WIPF2: variants seen among roughly 807,000 people sequenced by gnomAD.
WIPF2 encodes the protein WAS/WASL-interacting protein family member 2.
Under a neutral mutation model 38.8 loss-of-function variants are expected in WIPF2, and 23 were observed. The ratio of observed to expected loss-of-function variants is 0.59; its 90% CI spans 0.43 to 0.84. The LOEUF is 0.84. WIPF2 is among the 40% of genes least tolerant of loss of function. The pLI, the probability that WIPF2 is intolerant of heterozygous loss-of-function variation, is 0.00. For synonymous variants in WIPF2, 210 were observed against 223.2 expected, an observed-to-expected ratio of 0.94 and a Z score of 0.53; for missense variants, 574 against 580.5, an observed-to-expected ratio of 0.99 and a Z score of 0.11.
intron 1 of WIPF2, among the ~76,000 whole-genome samples, chr17:40,240,373 C>A (rs1447591059): frequency 6.6e-6 from 1 of 152,062 alleles, no homozygotes; most frequent in Non-Finnish European, 1.5e-5. Context: ...CCCAGACTTT[C>A]AACCAGTCCT....
intron 2 of WIPF2, among the ~76,000 whole-genome samples, chr17:40,259,319 C>T (rs1176854653): frequency 1.3e-5 from 2 of 151,458 alleles, no homozygotes; most frequent in Non-Finnish European, 2.9e-5. Flanking sequence ...AAATATTTCC[C>T]AGCTACTGGG....
chr17:40,246,834 C>A (rs560114331), intron 1 of WIPF2, among the ~76,000 whole-genome samples: 1 of 150,306 alleles, frequency 6.7e-6, no homozygotes, highest in East Asian at 2.0e-4. Flanking sequence ...ATTTGTTGGC[C>A]GGGCGTGGCG....
intron 1 of WIPF2, chr17:40,220,601 A>ATGTG (rs1173228567): frequency 1.2e-5 from 1 of 86,932 alleles, no homozygotes; most frequent in Non-Finnish European, 2.2e-5. Flanking sequence ...ATATATATAT[A>ATGTG]TATATATATA....
chr17:40,284,079 T>C lies in WIPF2; in HGVS notation c.*5854T>C, dbSNP rs916365358. 1 of 152,250 alleles carries C rather than the reference T, an allele frequency of 6.6e-6. No homozygotes were observed. The highest frequency in any genetic ancestry group is 1.5e-5 in the Non-Finnish European group (1 of 68,034). The allele number at this position is 152,250 out of a possible 1,614,324, so 9.4% of individuals were successfully genotyped here. A position where few individuals can be genotyped will look rare whatever the true frequency, so the allele number is the denominator to read the frequency against. ...CTTCCCAGATGGGCTGAATCTCCGATTATTTGACCCATCATTGTTATTAAT... is the reference window on the plus strand; with the variant it reads ...CTTCCCAGATGGGCTGAATCTCCGACTATTTGACCCATCATTGTTATTAAT... On this transcript the variant is annotated 3_prime_UTR_variant, in exon 8 of 8. Coordinates refer to ENST00000323571, the MANE Select transcript of WIPF2 (RefSeq NM_133264.5).
At chr17:40,257,777 A>G (rs2031776569) in intron 2 of WIPF2, among the ~76,000 whole-genome samples, 1 of 151,510 alleles carries the variant, frequency 6.6e-6, no homozygotes, top group African/African-American at 2.4e-5. Flanking sequence ...GAGGAAAGGA[A>G]CCTGTATGCA....
intron 1 of WIPF2, among the ~76,000 whole-genome samples, chr17:40,223,520 T>C (rs1000111218): frequency 1.3e-5 from 2 of 148,442 alleles, no homozygotes; most frequent in African/African-American, 5.0e-5. Flanking sequence ...CTAGACTCAC[T>C]AGGTGTTTTT....
intron 5 of WIPF2, among the ~76,000 whole-genome samples, chr17:40,271,208 T>A (rs542249935): frequency 1.2e-4 from 18 of 152,310 alleles, no homozygotes; most frequent in Non-Finnish European, 2.1e-4. Flanking sequence ...ACTCCTGGCA[T>A]CAAGCAATCT....
Position 40,267,712 on chromosome 17 carries a change from G to A in WIPF2, c.970+2566G>A, listed in dbSNP as rs193120134. 1.7e-3 allele frequency among the ~76,000 whole-genome samples: 252 copies of A among 152,250 alleles called. 1 individual carries two copies. Among genetic ancestry groups the A allele is most frequent in the Non-Finnish European group, 2.5e-3 (170 of 68,018 alleles). ...GTGCCACCATATCTGGCTAATTTTT[G>A]TATTTTTAGTAGAAACGGGTTTTCG... On this transcript the variant is annotated intron_variant, in intron 5 of 7. Coordinates refer to ENST00000323571, the MANE Select transcript of WIPF2 (RefSeq NM_133264.5).
chr17:40,254,804 T>A (rs1268475547), intron 1 of WIPF2, among the ~76,000 whole-genome samples: 2 of 152,006 alleles, frequency 1.3e-5, no homozygotes, highest in Non-Finnish European at 2.9e-5. Flanking sequence ...CTTTCTTGGC[T>A]CACTGCACCT....
At chr17:40,220,595 A>ATATATATG (rs2030162165) in intron 1 of WIPF2, 1 of 77,076 alleles carries the variant, frequency 1.3e-5, no homozygotes, top group Non-Finnish European at 2.4e-5. Flanking sequence ...ATATATATAT[A>ATATATATG]TATATATATA....
intron 1 of WIPF2, among the ~76,000 whole-genome samples, chr17:40,230,997 A>G (rs1405194496): frequency 1.3e-5 from 2 of 152,200 alleles, no homozygotes; most frequent in East Asian, 3.8e-4. Context: ...CAGAAATCAC[A>G]GTACTTAAAA....
intron 1 of WIPF2, among the ~76,000 whole-genome samples, chr17:40,237,265 G>A (rs558437119): frequency 3.3e-4 from 43 of 130,388 alleles, no homozygotes; most frequent in African/African-American, 1.1e-3. Context: ...TTTTGAGACA[G>A]AGTCTCACTT....
At chr17:40,234,688 T>C (rs1428410656) in intron 1 of WIPF2, among the ~76,000 whole-genome samples, 1 of 152,060 alleles carries the variant, frequency 6.6e-6, no homozygotes, top group Non-Finnish European at 1.5e-5. Flanking sequence ...TACAAGACCA[T>C]TGGAAGGCTG....
At position 40,232,179 on chromosome 17, in the gene WIPF2, A is replaced by ATTTTTTTTTTTTTTTTT. The variant is rs752876006; in HGVS notation, c.-70+12699_-70+12715dup. ...AGGCACATGCCACCATGCCTGGCTA[A>ATTTTTTTTTTTTTTTTT]TTTTTTTTTTTTTTTTTTTTTTTTT... On this transcript the variant is annotated intron_variant, in intron 1 of 7. Transcript: ENST00000323571. Among the ~76,000 whole-genome samples the ATTTTTTTTTTTTTTTTT allele has an allele frequency of 1.1e-3, 85 of 76,052 alleles. 1 individual carries two copies. The highest frequency in any genetic ancestry group is 2.8e-3 in the East Asian group (6 of 2,118). The allele number at this position is 76,052 out of a possible 152,430, so 49.9% of individuals were successfully genotyped here.
intron 1 of WIPF2, among the ~76,000 whole-genome samples, chr17:40,249,083 C>A (rs969392118): frequency 2.0e-5 from 3 of 151,952 alleles, no homozygotes; most frequent in Admixed American, 2.0e-4. Context: ...AAACTGAGAT[C>A]AAAGGAAAGT....
chr17:40,223,462 A>G (rs2030337007), intron 1 of WIPF2, among the ~76,000 whole-genome samples: 1 of 151,836 alleles, frequency 6.6e-6, no homozygotes, highest in Admixed American at 6.6e-5. Context: ...AGGTGTGAAC[A>G]TTGGAGTTTT....
rs749708344 is a variant in WIPF2, at chr17:40,278,239, C to T, written c.*14C>T. On this transcript the variant is annotated 3_prime_UTR_variant, in exon 8 of 8. Transcript: ENST00000323571. ...ATTCTCAGGTGAAGCCTGGCTTGGT[C>T]CCGTTCCTCAGGAAAAGGATGGACC... 1 of 1,613,498 alleles carries T rather than the reference C, an allele frequency of 6.2e-7. No individual in the cohort carries two copies. The highest frequency in any genetic ancestry group is 8.5e-7 in the Non-Finnish European group (1 of 1,179,766).
At chr17:40,220,608 T>C (rs1300417530) in intron 1 of WIPF2, 7 of 125,004 alleles carry the variant, frequency 5.6e-5, no homozygotes, top group Non-Finnish European at 9.7e-5. Flanking sequence ...TATATATATA[T>C]ATATATATAT....
chr17:40,256,775 C>G (rs745873544), intron 2 of WIPF2, among the ~76,000 whole-genome samples: 1 of 152,046 alleles, frequency 6.6e-6, no homozygotes, highest in Non-Finnish European at 1.5e-5. Flanking sequence ...GGAGAATAAA[C>G]AAGTCCATCT....
Sources: allele counts gnomAD v4.1 joint callset (sites outside exome capture counted in the v4.1 genomes callset), GRCh38; gene constraint gnomAD v4.1.1; transcripts MANE v1.5; gene names NCBI Gene and HGNC (gene_info 2026-07-23, HGNC 2026-07-21).